NPAS3: variants seen among roughly 807,000 people sequenced by gnomAD.
The protein encoded by NPAS3 is neuronal PAS domain protein 3.
NPAS3 carries 14 observed loss-of-function variants against 73.1 expected under a neutral mutation model. The observed-to-expected ratio is 0.19, with a 90% CI of 0.13 to 0.30. The LOEUF (loss-of-function observed/expected upper bound fraction) is 0.30, where lower values mean the gene tolerates loss of function less well. NPAS3 is among the 10% of genes least tolerant of loss of function. NPAS3 has a pLI of 1.00. For missense variants in NPAS3, 1,096 were observed against 1,250.0 expected, an observed-to-expected ratio of 0.88 and a Z score of 1.86; for synonymous variants, 620 against 541.5, an observed-to-expected ratio of 1.14 and a Z score of -2.01.
chr14:33,481,341 T>G (rs1264354693), intron 4 of NPAS3, among the ~76,000 whole-genome samples: 1 of 152,184 alleles, frequency 6.6e-6, no homozygotes, highest in Admixed American at 6.5e-5. Context: ...TGAAATCAAG[T>G]AGGAACTGTT....
chr14:33,292,066 T>G (rs1346428668), intron 3 of NPAS3, among the ~76,000 whole-genome samples: 1 of 152,248 alleles, frequency 6.6e-6, no homozygotes, highest in Non-Finnish European at 1.5e-5. Context: ...CCTTGCCTCA[T>G]GTAGTATAAT....
At chr14:33,617,586 A>G (rs976850279) in intron 5 of NPAS3, among the ~76,000 whole-genome samples, 2 of 152,214 alleles carry the variant, frequency 1.3e-5, no homozygotes, top group African/African-American at 2.4e-5. Context: ...CTTTATGCCC[A>G]TCGGAAGTAA....
At chr14:33,157,863 T>C (rs931061874) in intron 2 of NPAS3, among the ~76,000 whole-genome samples, 1 of 152,176 alleles carries the variant, frequency 6.6e-6, no homozygotes, top group Non-Finnish European at 1.5e-5. Context: ...GAGATGGGGA[T>C]GTCAATAGTC....
intron 1 of NPAS3, among the ~76,000 whole-genome samples, chr14:33,039,556 C>G (rs2040282330): frequency 6.6e-6 from 1 of 152,182 alleles, no homozygotes; most frequent in Non-Finnish European, 1.5e-5. Flanking sequence ...AATCGATACA[C>G]TATCTTTCCT....
intron 1 of NPAS3, among the ~76,000 whole-genome samples, chr14:32,989,649 C>T (rs1470853132): frequency 3.0e-5 from 4 of 134,368 alleles, no homozygotes. Context: ...TCTCAAACAA[C>T]AACAACAACA....
intron 1 of NPAS3, among the ~76,000 whole-genome samples, chr14:32,980,453 A>T (rs189200171): frequency 4.6e-5 from 7 of 152,344 alleles, no homozygotes; most frequent in Admixed American, 4.6e-4. Flanking sequence ...TTTGCATGAG[A>T]ACCTTCTCCT....
At chr14:33,425,792 G>A (rs1028137934) in intron 4 of NPAS3, among the ~76,000 whole-genome samples, 4 of 152,112 alleles carry the variant, frequency 2.6e-5, no homozygotes, top group African/African-American at 4.8e-5. Context: ...AATTAACAAA[G>A]GAGAATGCAG....
intron 7 of NPAS3, among the ~76,000 whole-genome samples, chr14:33,765,071 G>C (rs1270399984): frequency 1.3e-5 from 2 of 152,090 alleles, no homozygotes; most frequent in Non-Finnish European, 2.9e-5. Flanking sequence ...TCTCCAAAGG[G>C]AACAGGAAGC....
intron 2 of NPAS3, among the ~76,000 whole-genome samples, chr14:33,190,447 T>G (rs2046129353): frequency 6.6e-6 from 1 of 152,270 alleles, no homozygotes; most frequent in Non-Finnish European, 1.5e-5. Context: ...ATTTTGTTTT[T>G]GCCTTTATAT....
rs145327560 is a variant in NPAS3, at chr14:33,243,432, G to C, written c.385+28006G>C. 1.2e-4 allele frequency among the ~76,000 whole-genome samples: 18 copies of C among 152,118 alleles called. No individual in the cohort carries two copies. The East Asian group carries it at 3.1e-3, about 26-fold the overall frequency. On this transcript the variant is annotated intron_variant, in intron 3 of 11. Coordinates refer to ENST00000356141, the Ensembl canonical transcript of NPAS3. Reference sequence around the variant, plus strand: ...TGCATCAGAATCATCTGGAGGTCTTGATAAAACATTGCTAGACCCCTCTTC... The same window carrying C: ...TGCATCAGAATCATCTGGAGGTCTTCATAAAACATTGCTAGACCCCTCTTC...
chr14:33,762,874 G>A (rs1013276324), intron 7 of NPAS3, among the ~76,000 whole-genome samples: 2 of 152,150 alleles, frequency 1.3e-5, no homozygotes, highest in African/African-American at 4.8e-5. Flanking sequence ...CAGTGCCGTG[G>A]GGTCTTTTGA....
chr14:33,523,353 C>T (rs1423075054), intron 4 of NPAS3, among the ~76,000 whole-genome samples: 1 of 150,908 alleles, frequency 6.6e-6, no homozygotes, highest in African/African-American at 2.4e-5. Flanking sequence ...AAGGAGAAAC[C>T]TTGGATACTA....
intron 1 of NPAS3, among the ~76,000 whole-genome samples, chr14:32,996,239 T>C (rs1469356991): frequency 6.6e-6 from 1 of 152,270 alleles, no homozygotes; most frequent in East Asian, 1.9e-4. Context: ...AAGCATTCAA[T>C]AGGTGACTTG....
upstream of NPAS3, among the ~76,000 whole-genome samples, chr14:32,938,867 T>TCCG (rs1288452237): frequency 2.7e-4 from 38 of 141,604 alleles, no homozygotes; most frequent in Admixed American, 4.2e-4. Context: ...CTCCTCCTCC[T>TCCG]CCGCCGCCGC....
chr14:33,185,120 A>T (rs2045935230), intron 2 of NPAS3, among the ~76,000 whole-genome samples: 2 of 152,172 alleles, frequency 1.3e-5, no homozygotes, highest in Non-Finnish European at 2.9e-5. Context: ...GCCAATCAAG[A>T]TTATCCTGCT....
At chr14:33,117,189 C>T (rs1168207214) in intron 2 of NPAS3, among the ~76,000 whole-genome samples, 2 of 151,920 alleles carry the variant, frequency 1.3e-5, no homozygotes, top group East Asian at 3.9e-4. Flanking sequence ...ATGCATTTAT[C>T]ATTTCTTGGT....
At chr14:32,966,946 G>A (rs1304836162) in intron 1 of NPAS3, among the ~76,000 whole-genome samples, 5 of 152,244 alleles carry the variant, frequency 3.3e-5, no homozygotes, top group African/African-American at 1.2e-4. Context: ...AAACTAAAAA[G>A]CTTCTGCACA....
chr14:33,748,661 G>A (rs1418374120), intron 7 of NPAS3, among the ~76,000 whole-genome samples: 1 of 152,182 alleles, frequency 6.6e-6, no homozygotes, highest in African/African-American at 2.4e-5. Flanking sequence ...GCTCTGCAAT[G>A]TCGGACAAAC....
chr14:33,031,680 G>A (rs974094579), intron 1 of NPAS3, among the ~76,000 whole-genome samples: 15 of 152,220 alleles, frequency 9.9e-5, no homozygotes, highest in African/African-American at 3.6e-4. Flanking sequence ...GTAGAGATGG[G>A]GCCTCACAGT....
Sources: gnomAD v4.1 joint callset for allele counts (sites outside exome capture counted in the v4.1 genomes callset) on GRCh38, gnomAD v4.1.1 for gene constraint, MANE v1.5 for transcripts, NCBI Gene and HGNC (gene_info 2026-07-23, HGNC 2026-07-21) for gene names.